Variants in WDFY4 observed in about 807,000 individuals in gnomAD.
WDFY4 encodes the protein WDFY family member 4, also known as WD repeat- and FYVE domain-containing protein 4.
Under a neutral mutation model 351.9 loss-of-function variants are expected in WDFY4, and 169 were observed. The observed-to-expected ratio is 0.48, with a 90% confidence interval of 0.42 to 0.55. The LOEUF (loss-of-function observed/expected upper bound fraction) is 0.55, where lower values mean the gene tolerates loss of function less well. Among genes scored for constraint, WDFY4 ranks in the 20% least tolerant of loss-of-function variants. The pLI is 0.00. For synonymous variants in WDFY4, 1,622 were observed against 1,574.6 expected, an observed-to-expected ratio of 1.03 and a Z score of -0.71; for missense variants, 3,803 against 3,935.6, an observed-to-expected ratio of 0.97 and a Z score of 0.90.
chr10:48,982,449 C>T (rs1198977926), intron 61 of WDFY4, 60 bp from the exon 62 acceptor site: 3 of 1,399,278 alleles, frequency 2.1e-6, no homozygotes, highest in South Asian at 2.9e-5. Context: ...ATCCCATGTG[C>T]TGGCGGGGAC....
At chr10:48,915,535 G>A (rs1838442213) in intron 47 of WDFY4, among the ~76,000 whole-genome samples, 1 of 152,008 alleles carries the variant, frequency 6.6e-6, no homozygotes, top group South Asian at 2.1e-4. Context: ...TACAGTTTCT[G>A]TACTTCATCA....
At chr10:48,949,845 T>C (rs1469343341) in intron 51 of WDFY4, among the ~76,000 whole-genome samples, 2 of 152,184 alleles carry the variant, frequency 1.3e-5, no homozygotes, top group African/African-American at 2.4e-5. Flanking sequence ...TGTCTGACTT[T>C]GCTCAGATCG....
chr10:48,861,182 A>G lies in WDFY4; in HGVS notation c.6664-6083A>G, dbSNP rs559692624. Among the ~76,000 whole-genome samples, 7 of 152,332 alleles carry G rather than the reference A, an allele frequency of 4.6e-5. No homozygotes were observed. In the South Asian group the frequency reaches 1.5e-3, roughly 32 times the overall value. ...GTTTAAAATCACACAGTGTTATAAA[A>G]TCAGACAGTGTTATAATTTTTGTTT... On this transcript the variant is annotated intron_variant, in intron 39 of 61. Coordinates refer to ENST00000325239, the MANE Select transcript of WDFY4 (RefSeq NM_001394531.1).
At chr10:48,958,186 C>G (rs1334772676) in intron 52 of WDFY4, among the ~76,000 whole-genome samples, 3 of 152,180 alleles carry the variant, frequency 2.0e-5, no homozygotes, top group Non-Finnish European at 2.9e-5. Context: ...GTTTTCAGCC[C>G]TAGACATGCA....
chr10:48,932,185 C>A (rs1404970514), intron 47 of WDFY4, among the ~76,000 whole-genome samples: 1 of 152,196 alleles, frequency 6.6e-6, no homozygotes, highest in African/African-American at 2.4e-5. Context: ...GTTCAGTGGG[C>A]ACTCAACAAA....
Position 48,775,761 on chromosome 10 carries a change from A to T in WDFY4, c.2818A>T (p.Ile940Phe). 1.3e-6 allele frequency: 2 copies of T among 1,551,734 alleles called. No individual in the cohort carries two copies. Among genetic ancestry groups the T allele is most frequent in the East Asian group, 4.9e-5 (2 of 40,924 alleles). ...CTCATCTCTGTCGGCCACAACAAAAATCCTTGATTCATCTCACACACACAG... is the reference window on the plus strand; with the variant it reads ...CTCATCTCTGTCGGCCACAACAAAATTCCTTGATTCATCTCACACACACAG... Reference protein sequence around the residue: ...IPSSLSATTKILDSSHTHRGN... With the variant: ...IPSSLSATTKFLDSSHTHRGN... The change falls in exon 15 of 62, where the codon ATC becomes TTC. Residue 940 changes from isoleucine (I) to phenylalanine (F), a missense_variant. Physicochemically the swap from Ile to Phe is conservative, Grantham distance 21. Transcript: ENST00000325239.
chr10:48,851,912 G>A (rs939996575), intron 39 of WDFY4, among the ~76,000 whole-genome samples: 1 of 152,208 alleles, frequency 6.6e-6, no homozygotes, highest in Admixed American at 6.5e-5. Flanking sequence ...GGGAGAGCAG[G>A]GCCTAGACCC....
At chr10:48,806,751 C>T (rs963523317) in intron 27 of WDFY4, among the ~76,000 whole-genome samples, 1 of 152,204 alleles carries the variant, frequency 6.6e-6, no homozygotes, top group Non-Finnish European at 1.5e-5. Flanking sequence ...CTGGGCCCTG[C>T]GGCTCTGCAC....
chr10:48,723,392 C>T (rs2064156277), intron 4 of WDFY4, 41 bp from the exon 5 acceptor site: 3 of 1,542,944 alleles, frequency 1.9e-6, no homozygotes, highest in Admixed American at 4.0e-5. Context: ...CCTGCTTCTG[C>T]TGCCTTGCTG....
intron 58 of WDFY4, among the ~76,000 whole-genome samples, chr10:48,976,232 CA>C (rs1315587206): frequency 1.3e-5 from 2 of 152,212 alleles, no homozygotes; most frequent in African/African-American, 4.8e-5. Flanking sequence ...ACCTTGGTGA[CA>C]GTGGCCACTA....
At chr10:48,845,349 C>T (rs1476743832) in intron 39 of WDFY4, among the ~76,000 whole-genome samples, 2 of 152,246 alleles carry the variant, frequency 1.3e-5, no homozygotes, top group Non-Finnish European at 2.9e-5. Context: ...TCATGATTTC[C>T]TGCCATGTTC....
At chr10:48,915,618 G>C (rs1443401973) in intron 47 of WDFY4, among the ~76,000 whole-genome samples, 1 of 152,108 alleles carries the variant, frequency 6.6e-6, no homozygotes, top group Non-Finnish European at 1.5e-5. Flanking sequence ...TGGGAATATA[G>C]TTGTATGTTT....
intron 2 of WDFY4, among the ~76,000 whole-genome samples, chr10:48,714,383 A>T (rs1319050591): frequency 6.6e-6 from 1 of 152,226 alleles, no homozygotes; most frequent in African/African-American, 2.4e-5. Flanking sequence ...TGACTGTAGG[A>T]TGTTGCAGAT....
intron 47 of WDFY4, among the ~76,000 whole-genome samples, chr10:48,937,040 C>T (rs951675383): frequency 6.6e-6 from 1 of 151,578 alleles, no homozygotes; most frequent in Non-Finnish European, 1.5e-5. Context: ...ATTACAGGCA[C>T]CCACCACCAC....
intron 42 of WDFY4, among the ~76,000 whole-genome samples, 185 bp from the exon 43 acceptor site, chr10:48,876,848 A>C (rs1291490026): frequency 6.6e-6 from 1 of 152,208 alleles, no homozygotes; most frequent in African/African-American, 2.4e-5. Context: ...ACCACACCCC[A>C]GGGTGCCCCA....
At chr10:48,879,883 C>G (rs543571124) in intron 43 of WDFY4, among the ~76,000 whole-genome samples, 1 of 152,178 alleles carries the variant, frequency 6.6e-6, no homozygotes, top group Non-Finnish European at 1.5e-5. Flanking sequence ...CTCTGCCTCC[C>G]GCTCCCCCAA....
chr10:48,960,611 T>C (rs1234459119), intron 53 of WDFY4, among the ~76,000 whole-genome samples: 1 of 152,204 alleles, frequency 6.6e-6, no homozygotes, highest in Non-Finnish European at 1.5e-5. Context: ...CACAAAAACT[T>C]GTGCATGAAT....
intron 4 of WDFY4, among the ~76,000 whole-genome samples, chr10:48,723,150 C>T (rs2064147601): frequency 6.6e-6 from 1 of 150,534 alleles, no homozygotes; most frequent in Non-Finnish European, 1.5e-5. Flanking sequence ...TTCCACCCTC[C>T]CTCCCTCCCT....
intron 47 of WDFY4, among the ~76,000 whole-genome samples, chr10:48,918,471 A>G (rs1838751846): frequency 6.6e-6 from 1 of 152,232 alleles, no homozygotes; most frequent in African/African-American, 2.4e-5. Flanking sequence ...GAAAATTTAC[A>G]GGAAGTAAGA....
Sources: allele counts gnomAD v4.1 joint callset (sites outside exome capture counted in the v4.1 genomes callset), GRCh38; gene constraint gnomAD v4.1.1; transcripts MANE v1.5; gene names NCBI Gene and HGNC (gene_info 2026-07-23, HGNC 2026-07-21).